TRPM3: variants seen among roughly 807,000 people sequenced by gnomAD.
TRPM3 encodes long transient receptor potential channel 3.
A neutral mutation model predicts 181.2 loss-of-function variants in TRPM3; 77 were observed. That is an observed-to-expected ratio of 0.42 (90% confidence interval 0.35 to 0.51). The LOEUF (loss-of-function observed/expected upper bound fraction) is 0.51. Among genes scored for constraint, TRPM3 ranks in the 20% least tolerant of loss-of-function variants. TRPM3 has a pLI of 0.01. For missense variants in TRPM3, 1,759 were observed against 2,196.7 expected (o/e 0.80, Z 3.98); for synonymous variants, 745 against 796.4 (o/e 0.94, Z 1.09).
rs62543231 is a variant in TRPM3 at position 70,534,866 on chromosome 9, G to A, written c.*1087C>T. ...TAACCATATATTCATATACAAAATG[G>A]TCATGTGATGAGTGGTGTGAAAAAT... is the stretch of plus-strand genomic sequence containing the variant. On this transcript the variant is annotated 3_prime_UTR_variant, in exon 26 of 26. Transcript: ENST00000677713. 34,240 of 152,224 alleles carry A rather than the reference G, an allele frequency of 0.22. 4,686 individuals are homozygous for A. Among genetic ancestry groups the A allele is most frequent in the Admixed American group, 0.31 (4,730 of 15,282 alleles). 9.4% of individuals were successfully genotyped at this position (152,224 alleles called of 1,614,324 possible).
intron 1 of TRPM3, among the ~76,000 whole-genome samples, chr9:70,902,523 T>TGTG (rs2096401460): frequency 6.6e-6 from 1 of 151,776 alleles, no homozygotes; most frequent in African/African-American, 2.4e-5. Context: ...GTTGCAATTC[T>TGTG]ATGAGACAAG....
intron 1 of TRPM3, among the ~76,000 whole-genome samples, chr9:71,033,208 G>A (rs1001605273): frequency 3.9e-5 from 6 of 152,210 alleles, no homozygotes; most frequent in Non-Finnish European, 7.3e-5. Context: ...AGTGGTCCTA[G>A]ACTATCAGAA....
At chr9:70,902,956 A>G (rs1474814147) in intron 1 of TRPM3, among the ~76,000 whole-genome samples, 1 of 152,194 alleles carries the variant, frequency 6.6e-6, no homozygotes, top group African/African-American at 2.4e-5. Flanking sequence ...GCTTGCCACA[A>G]GTACGTAAGG....
At chr9:71,319,023 C>CTCTTTTTGCTTTGCTTCTTTCACTTACG (rs138286517) in intron 1 of TRPM3, among the ~76,000 whole-genome samples, 1 of 151,594 alleles carries the variant, frequency 6.6e-6, no homozygotes. Context: ...ATAGTATGTA[C>CTCTTTTTGCTTTGCTTCTTTCACTTACG]AAAATTGTGA....
At chr9:70,600,973 C>A (rs1279903494) in intron 20 of TRPM3, among the ~76,000 whole-genome samples, 6 of 152,036 alleles carry the variant, frequency 3.9e-5, no homozygotes, top group Non-Finnish European at 8.8e-5. Flanking sequence ...GTCAAGAATC[C>A]CCCCTGCCTC....
chr9:70,908,634 T>G (rs1044530867), intron 1 of TRPM3, among the ~76,000 whole-genome samples: 1 of 152,214 alleles, frequency 6.6e-6, no homozygotes, highest in Non-Finnish European at 1.5e-5. Flanking sequence ...CTAGATTCAA[T>G]GTAATTTTAA....
intron 1 of TRPM3, among the ~76,000 whole-genome samples, chr9:70,941,357 C>T (rs776626047): frequency 6.6e-6 from 1 of 152,178 alleles, no homozygotes; most frequent in Non-Finnish European, 1.5e-5. Context: ...AGCTTTTGGG[C>T]TCTTGGACTT....
intron 1 of TRPM3, among the ~76,000 whole-genome samples, chr9:71,059,343 C>T (rs1165209806): frequency 6.6e-6 from 1 of 151,858 alleles, no homozygotes; most frequent in East Asian, 1.9e-4. Context: ...TATAGTCTGG[C>T]TATTTATTAA....
Position 70,602,447 on chromosome 9 carries a change from T to A in TRPM3, c.2796+895A>T, listed in dbSNP as rs140466818. On this transcript the variant is annotated intron_variant, in intron 20 of 25. Transcript: ENST00000677713. ...TTTCCCACCCACTGCAGTACAGCAA[T>A]TAGGGTTGTTCTTGAGCTCTTAAAG... is the stretch of plus-strand genomic sequence containing the variant. Among the ~76,000 whole-genome samples, 7 of 152,208 alleles carry A rather than the reference T, an allele frequency of 4.6e-5. No homozygotes were observed. In the East Asian group the frequency reaches 1.4e-3, roughly 29 times the overall value.
chr9:70,661,709 C>T (rs956277532), intron 9 of TRPM3, among the ~76,000 whole-genome samples: 1 of 151,930 alleles, frequency 6.6e-6, no homozygotes, highest in Non-Finnish European at 1.5e-5. Context: ...TAGGAATACA[C>T]TTAACTAAGG....
chr9:70,849,705 G>C (rs1376129710), intron 3 of TRPM3, among the ~76,000 whole-genome samples: 1 of 152,094 alleles, frequency 6.6e-6, no homozygotes, highest in Non-Finnish European at 1.5e-5. Flanking sequence ...GGGAAAGAAG[G>C]GAAAATAATT....
intron 1 of TRPM3, among the ~76,000 whole-genome samples, chr9:71,275,454 A>G (rs921195244): frequency 5.3e-5 from 8 of 152,146 alleles, no homozygotes; most frequent in East Asian, 3.9e-4. Flanking sequence ...TCACAAATTA[A>G]TCTATAAATT....
chr9:71,382,817 C>T (rs1474472333), intron 1 of TRPM3, among the ~76,000 whole-genome samples: 3 of 151,846 alleles, frequency 2.0e-5, no homozygotes, highest in Admixed American at 2.0e-4. Flanking sequence ...TCCTTCACTC[C>T]TACTTAGAAG....
chr9:71,243,791 T>G (rs754223916), intron 1 of TRPM3, among the ~76,000 whole-genome samples: 9 of 152,202 alleles, frequency 5.9e-5, no homozygotes, highest in Non-Finnish European at 1.2e-4. Flanking sequence ...CTAGGGAAGA[T>G]GCACACATCT....
intron 1 of TRPM3, among the ~76,000 whole-genome samples, chr9:71,350,476 C>T (rs2091560070): frequency 6.6e-6 from 1 of 152,156 alleles, no homozygotes; most frequent in Admixed American, 6.5e-5. Flanking sequence ...ATAGGTGGAT[C>T]GCTTCCCTTG....
At chr9:70,764,503 CT>C (rs1175567273) in intron 7 of TRPM3, among the ~76,000 whole-genome samples, 1 of 152,120 alleles carries the variant, frequency 6.6e-6, no homozygotes, top group Non-Finnish European at 1.5e-5. Flanking sequence ...CAATCTGTCA[CT>C]TTCTAAAAAT....
intron 1 of TRPM3, among the ~76,000 whole-genome samples, chr9:71,388,251 G>A (rs1295139665): frequency 6.6e-6 from 1 of 151,892 alleles, no homozygotes; most frequent in East Asian, 1.9e-4. Flanking sequence ...GACACACAAA[G>A]TTTAGAAGAA....
At chr9:71,130,273 C>G (rs780379558) in intron 1 of TRPM3, among the ~76,000 whole-genome samples, 1 of 152,122 alleles carries the variant, frequency 6.6e-6, no homozygotes, top group Non-Finnish European at 1.5e-5. Context: ...TTTAAGGTAA[C>G]TGATTTAGTT....
intron 1 of TRPM3, among the ~76,000 whole-genome samples, chr9:70,958,822 T>C (rs11791907): frequency 0.22 from 32,438 of 150,570 alleles, 4,158 homozygotes; most frequent in Admixed American, 0.32. Context: ...GAATACTATG[T>C]AGCCATAAAA....
Sources: allele counts gnomAD v4.1 joint callset (sites outside exome capture counted in the v4.1 genomes callset), GRCh38; gene constraint gnomAD v4.1.1; transcripts MANE v1.5; gene names NCBI Gene and HGNC (gene_info 2026-07-23, HGNC 2026-07-21).